RUSC2: variants seen among roughly 807,000 people sequenced by gnomAD.
RUSC2 encodes the protein AP-4 complex accessory subunit RUSC2.
In RUSC2, 34 loss-of-function variants were observed where a neutral mutation model predicts 122.2. The observed-to-expected ratio is 0.28, with a 90% CI of 0.21 to 0.37. The LOEUF (loss-of-function observed/expected upper bound fraction) is 0.37, where lower values mean the gene tolerates loss of function less well. Among genes scored for constraint, RUSC2 ranks in the 10% least tolerant of loss-of-function variants. The pLI is 1.00. For synonymous variants in RUSC2, 784 were observed against 790.0 expected, an observed-to-expected ratio of 0.99 and a Z score of 0.13; for missense variants, 1,747 against 1,952.4, an observed-to-expected ratio of 0.89 and a Z score of 1.98.
Position 35,561,444 on chromosome 9 carries a change from C to A in RUSC2, c.*62C>A. ...AACCCCCAGACTCAGAGCCCGAGAG[C>A]CCTTCCCAAGCCATTGGCTTGGCTG... On this transcript the variant is annotated 3_prime_UTR_variant, in exon 12 of 12. Transcript: ENST00000361226. 7.0e-7 allele frequency: 1 copy of A among 1,423,526 alleles called. No homozygotes were observed. The highest frequency in any genetic ancestry group is 1.4e-5 in the African/African-American group (1 of 70,168). The allele number at this position is 1,423,526 out of a possible 1,614,324, so 88.2% of individuals were successfully genotyped here. A position where few individuals can be genotyped will look rare whatever the true frequency, so the allele number is the denominator to read the frequency against.
Position 35,557,984 on chromosome 9 carries a change from G to C in RUSC2, c.3054G>C (p.Gly1018=). ...ATTTTGGCACAAGCCGGGATCCCGG[G>C]GTGAAGGTAGGCAAGGAAATGTGGA... ...VAHFGTSRDP[G]VKAKLGNSSV... is the part of the protein sequence containing the mutation. The change falls in exon 6 of 12, where the codon GGG becomes GGC. Residue 1018 remains glycine (G), a synonymous_variant. Transcript: ENST00000361226. This position sits in a 1 kb window ranked among gnomAD's most constrained non-coding sequence, Gnocchi z 4.6. 1 of 1,614,116 alleles carries C rather than the reference G, an allele frequency of 6.2e-7. No homozygotes were observed. The highest frequency in any genetic ancestry group is 1.3e-5 in the African/African-American group (1 of 75,054).
At chr9:35,532,678 G>A (rs1821443881) in intron 1 of RUSC2, among the ~76,000 whole-genome samples, 1 of 151,778 alleles carries the variant, frequency 6.6e-6, no homozygotes, top group Non-Finnish European at 1.5e-5. Flanking sequence ...CCTGGGAGGT[G>A]GAGGTTACAG....
chr9:35,503,658 C>T (rs969421763), intron 1 of RUSC2, among the ~76,000 whole-genome samples: 2 of 152,094 alleles, frequency 1.3e-5, no homozygotes, highest in Non-Finnish European at 2.9e-5. Flanking sequence ...GTTGTACTTT[C>T]AGTTCTTTAA....
rs775693956 is a variant in RUSC2, at chr9:35,561,039, G to A, written c.4291G>A (p.Glu1431Lys). The change falls in exon 11 of 12, where the codon GAG becomes AAG. Residue 1431 changes from glutamate to lysine, a missense_variant. By Grantham distance (56) the Glu-to-Lys change is moderately conservative. Coordinates refer to ENST00000361226, the MANE Select transcript of RUSC2 (RefSeq NM_014806.5). ...GACAGTGGGTTCCCGCCGGGAGCCA[G>A]AGCCCAAGGAGAGCCTGCAGGAGCC... ...AQTVGSRREP[E>K]PKESLQEPHS... 16 of 1,614,076 alleles carry A rather than the reference G, an allele frequency of 9.9e-6. No individual in the cohort carries two copies. Among genetic ancestry groups the A allele is most frequent in the South Asian group, 4.4e-5 (4 of 91,088 alleles).
At chr9:35,499,571 T>C (rs911880638) in intron 1 of RUSC2, among the ~76,000 whole-genome samples, 3 of 152,106 alleles carry the variant, frequency 2.0e-5, no homozygotes, top group African/African-American at 4.8e-5. Flanking sequence ...GAAAGAAAAA[T>C]AGGGCCAGCC....
intron 1 of RUSC2, among the ~76,000 whole-genome samples, chr9:35,519,787 A>C (rs1247571410): frequency 6.6e-6 from 1 of 152,206 alleles, no homozygotes; most frequent in African/African-American, 2.4e-5. Context: ...TGGGTACTTT[A>C]TGTACAATAT....
intron 1 of RUSC2, among the ~76,000 whole-genome samples, chr9:35,533,011 C>T: frequency 6.6e-6 from 1 of 151,918 alleles, no homozygotes; most frequent in East Asian, 1.9e-4. Context: ...TTTGGGAGGC[C>T]TAGGCGAGCA....
At chr9:35,491,483 C>G (rs537002368) in intron 1 of RUSC2, among the ~76,000 whole-genome samples, 1 of 152,172 alleles carries the variant, frequency 6.6e-6, no homozygotes, top group Non-Finnish European at 1.5e-5. Context: ...CACTGTTTCT[C>G]TTCTGTTTTG....
chr9:35,561,294 G>T lies in RUSC2; in HGVS notation c.4463G>T (p.Ser1488Ile), dbSNP rs1044823577. ...GRAGGDWLRC[S>I]RGPDSGLVPL... ...GCTGGAGGAGACTGGCTGCGCTGCA[G>T]CCGTGGCCCCGACTCTGGCCTGGTG... The change falls in exon 12 of 12, where the codon AGC (serine) becomes ATC (isoleucine). Residue 1488 changes from serine to isoleucine, a missense_variant. Transcript: ENST00000361226. 6.2e-7 allele frequency: 1 copy of T among 1,614,140 alleles called. No individual in the cohort carries two copies.
chr9:35,520,214 G>C (rs1006337866), intron 1 of RUSC2, among the ~76,000 whole-genome samples: 1 of 152,312 alleles, frequency 6.6e-6, no homozygotes, highest in Non-Finnish European at 1.5e-5. Context: ...CCTGGAAGAT[G>C]AGATGCCTCC....
chr9:35,495,307 A>C (rs1820688069), intron 1 of RUSC2, among the ~76,000 whole-genome samples: 1 of 134,652 alleles, frequency 7.4e-6, no homozygotes, highest in South Asian at 2.2e-4. Context: ...TTTAGCTCTT[A>C]TCTTTAGGTC....
At position 35,531,603 on chromosome 9, in the gene RUSC2, T is replaced by A. The variant is rs150127447; in HGVS notation, c.-92-14827T>A. Among the ~76,000 whole-genome samples, 12 of 152,356 alleles carry A rather than the reference T, an allele frequency of 7.9e-5. No individual in the cohort carries two copies. The East Asian group carries it at 2.3e-3, about 29-fold the overall frequency. The stretch of plus-strand genomic sequence containing the variant: ...GAGTTACATTGGGAAGATTATTTAA[T>A]ATCCCTGAGCCTCAGATTTCTCATT... On this transcript the variant is annotated intron_variant, in intron 1 of 11. Transcript: ENST00000361226.
intron 1 of RUSC2, among the ~76,000 whole-genome samples, chr9:35,521,867 TA>T (rs1260908736): frequency 6.6e-6 from 1 of 152,246 alleles, no homozygotes; most frequent in Non-Finnish European, 1.5e-5. Flanking sequence ...TAGCAGCAGC[TA>T]CACTCTACTT....
rs1821748857 is a variant in RUSC2, at chr9:35,546,594, C to T, written c.73C>T (p.Pro25Ser). The T allele has an allele frequency of 2.6e-6, 4 of 1,527,116 alleles. No homozygotes were observed. Among genetic ancestry groups the T allele is most frequent in the Non-Finnish European group, 3.5e-6 (4 of 1,139,848 alleles). The allele number at this position is 1,527,116 out of a possible 1,614,324, so 94.6% of individuals were successfully genotyped here. ...HHIPLVHCQV[P>S]DRQCCGGAGG... Reference sequence around the variant, plus strand: ...CATCCCCCTGGTGCACTGCCAAGTCCCAGACAGGCAGTGCTGTGGAGGGGC... The same window carrying T: ...CATCCCCCTGGTGCACTGCCAAGTCTCAGACAGGCAGTGCTGTGGAGGGGC... Residue 25 changes from proline (P) to serine (S), a missense_variant, in exon 2 of 12, where the codon CCA (proline) becomes TCA (serine). Coordinates refer to ENST00000361226, the MANE Select transcript of RUSC2 (RefSeq NM_014806.5). This position sits in a 1 kb window ranked among gnomAD's most constrained non-coding sequence, Gnocchi z 4.3.
intron 1 of RUSC2, among the ~76,000 whole-genome samples, chr9:35,524,624 A>G (rs1268760776): frequency 2.6e-5 from 4 of 152,180 alleles, no homozygotes; most frequent in African/African-American, 9.6e-5. Context: ...CCAGACTCCT[A>G]TTTTATGTTT....
At chr9:35,502,466 C>A (rs1467391802) in intron 1 of RUSC2, among the ~76,000 whole-genome samples, 2 of 152,194 alleles carry the variant, frequency 1.3e-5, no homozygotes, top group Non-Finnish European at 2.9e-5. Flanking sequence ...TAAGGAAATA[C>A]TTTTAGCTGT....
Position 35,558,631 on chromosome 9 carries a change from C to T in RUSC2, c.3341+64C>T. On this transcript the variant is annotated intron_variant, in intron 8 of 11. Transcript: ENST00000361226. The surrounding 1 kb of genome is among the most constrained non-coding windows in gnomAD (Gnocchi z 4.3). ...CCCTGCCCCCCACCCCCGGGCTCTG[C>T]CTGCACCAAGGAAACAACGCCCTGG... 3 of 1,362,680 alleles carry T rather than the reference C, an allele frequency of 2.2e-6. No individual in the cohort carries two copies. Among genetic ancestry groups the T allele is most frequent in the Non-Finnish European group, 3.1e-6 (3 of 953,130 alleles). The allele number at this position is 1,362,680 out of a possible 1,614,324, so 84.4% of individuals were successfully genotyped here. A position where few individuals can be genotyped will look rare whatever the true frequency, so the allele number is the denominator to read the frequency against.
In RUSC2 at chr9:35,546,333, C is replaced by CT. The variant is rs763848130; in HGVS notation, c.-92-96dup. The CT allele has an allele frequency of 7.5e-6, 3 of 400,756 alleles. No individual in the cohort carries two copies. The highest frequency in any genetic ancestry group is 1.3e-5 in the Non-Finnish European group (3 of 230,464). The allele number at this position is 400,756 out of a possible 1,614,324, so 24.8% of individuals were successfully genotyped here. A position where few individuals can be genotyped will look rare whatever the true frequency, so the allele number is the denominator to read the frequency against. On this transcript the variant is annotated intron_variant, in intron 1 of 11. Coordinates refer to ENST00000361226, the MANE Select transcript of RUSC2 (RefSeq NM_014806.5). The surrounding 1 kb of genome is among the most constrained non-coding windows in gnomAD (Gnocchi z 4.3). ...ATCTTGACTCAAGCCTTTTCTCTTC[C>CT]TGGGCTCTTCTCCATCTGAAAATGA... is the stretch of plus-strand genomic sequence containing the variant.
intron 1 of RUSC2, chr9:35,539,216 A>T (rs887107166): frequency 2.1e-4 from 1 of 4,660 alleles, no homozygotes; most frequent in African/African-American, 1.1e-3. Flanking sequence ...CAAAAGGGAG[A>T]GGGGGGCGGT....
Sources: allele counts gnomAD v4.1 joint callset (sites outside exome capture counted in the v4.1 genomes callset), GRCh38; gene constraint gnomAD v4.1.1; non-coding constraint Gnocchi (gnomAD v3.1); transcripts MANE v1.5; gene names NCBI Gene and HGNC (gene_info 2026-07-23, HGNC 2026-07-21).